The following ROBO2 variants were observed in gnomAD, a reference collection of about 807,000 sequenced individuals.
The protein encoded by ROBO2 is roundabout homolog 2.
ROBO2 carries 53 observed loss-of-function variants against 160.8 expected under a neutral mutation model. The observed-to-expected ratio is 0.33, with a 90% confidence interval of 0.26 to 0.41. The LOEUF (loss-of-function observed/expected upper bound fraction) is 0.41, where lower values mean the gene tolerates loss of function less well. Ranked by LOEUF, ROBO2 falls within the 10% of genes least tolerant of loss-of-function variation. ROBO2 has a pLI of 1.00. For synonymous variants in ROBO2, 664 were observed against 611.7 expected, an observed-to-expected ratio of 1.09 and a Z score of -1.26; for missense variants, 1,577 against 1,722.4, an observed-to-expected ratio of 0.92 and a Z score of 1.49.
chr3:77,421,247 T>C (rs1452051864), intron 2 of ROBO2, among the ~76,000 whole-genome samples: 3 of 152,220 alleles, frequency 2.0e-5, no homozygotes, highest in East Asian at 3.8e-4. Context: ...TTCAGTATTA[T>C]GTGGTTTTTT....
chr3:76,034,648 C>T lies in ROBO2; in HGVS notation c.109+97046C>T, dbSNP rs1013864768. Among the ~76,000 whole-genome samples the T allele has an allele frequency of 1.9e-4, 29 of 150,720 alleles. 1 individual carries two copies. Among genetic ancestry groups the T allele is most frequent in the Middle Eastern group, 3.4e-3 (1 of 294 alleles). The stretch of plus-strand genomic sequence containing the variant: ...ATACAATTCTACTTCCTAATGCTTC[C>T]GCTACAGTAACTTCTTCTTGTCTTA... On this transcript the variant is annotated intron_variant, in intron 2 of 26. Coordinates refer to the ROBO2 transcript ENST00000487694.
intron 2 of ROBO2, among the ~76,000 whole-genome samples, chr3:77,446,437 C>T (rs898715093): frequency 6.6e-6 from 1 of 152,012 alleles, no homozygotes; most frequent in Non-Finnish European, 1.5e-5. Context: ...AACTGCTGGG[C>T]AAGTATTAAT....
Position 77,596,695 on chromosome 3 carries a change from G to C in ROBO2, c.2799G>C (p.Leu933Phe), listed in dbSNP as rs759921296. ...CTGATTCTTGGCCAGCCACGAGCTT[G>C]CCAGTAAATAATAGCAACAGTGGCC... Residue 933 changes from leucine (L) to phenylalanine (F), a missense_variant, in exon 19 of 26, where the codon TTG (leucine) becomes TTC (phenylalanine). Around this residue, in one of 2 missense-constraint regions of ROBO2, gnomAD observed 637 missense variants for 586.9 expected, o/e 1.09. Coordinates refer to ENST00000461745, the Ensembl canonical transcript of ROBO2. 1.1e-5 allele frequency: 18 copies of C among 1,613,680 alleles called. No individual in the cohort carries two copies. The African/African-American group carries it at 1.7e-4, about 16-fold the overall frequency.
At chr3:77,015,215 A>G (rs2062164918) in intron 2 of ROBO2, among the ~76,000 whole-genome samples, 1 of 152,222 alleles carries the variant, frequency 6.6e-6, no homozygotes, top group Non-Finnish European at 1.5e-5. Context: ...GAGTTAGCTA[A>G]TGTTTTACTA....
chr3:76,931,806 G>A (rs1364510376), intron 2 of ROBO2, among the ~76,000 whole-genome samples: 4 of 151,850 alleles, frequency 2.6e-5, no homozygotes, highest in East Asian at 1.9e-4. Flanking sequence ...CTCAGTCTCC[G>A]AGAACCTGGG....
At chr3:77,430,300 T>G (rs1160827193) in intron 2 of ROBO2, among the ~76,000 whole-genome samples, 2 of 152,116 alleles carry the variant, frequency 1.3e-5, no homozygotes, top group African/African-American at 4.8e-5. Context: ...GATAATAAAA[T>G]TTTTACTTTG....
At position 76,108,334 on chromosome 3, in the gene ROBO2, CA is replaced by C. The variant is rs759935434; in HGVS notation, c.109+170733del. On this transcript the variant is annotated intron_variant, in intron 2 of 26. Coordinates refer to the ROBO2 transcript ENST00000487694. ...TTTAGCATCATTTCTAATTTCATGG[CA>C]TAGAAAAATTGGAATTCAAATCTCA... Among the ~76,000 whole-genome samples, 4 of 152,042 alleles carry C rather than the reference CA, an allele frequency of 2.6e-5. No homozygotes were observed. The East Asian group carries it at 5.8e-4, about 22-fold the overall frequency.
intron 2 of ROBO2, among the ~76,000 whole-genome samples, chr3:76,177,358 T>C (rs928185597): frequency 1.3e-5 from 2 of 152,174 alleles, no homozygotes; most frequent in African/African-American, 4.8e-5. Flanking sequence ...TCAAAAACAA[T>C]TGGACCTAAT....
intron 2 of ROBO2, among the ~76,000 whole-genome samples, chr3:76,057,984 G>T (rs1158628722): frequency 6.6e-6 from 1 of 152,080 alleles, no homozygotes. Context: ...TTTGTGAAGG[G>T]TTATGATTAT....
At chr3:77,521,532 G>GT (rs1454385508) in intron 5 of ROBO2, among the ~76,000 whole-genome samples, 1 of 151,248 alleles carries the variant, frequency 6.6e-6, no homozygotes, top group African/African-American at 2.4e-5. Context: ...TAGTGGATAA[G>GT]TTTTTTCCCT....
At chr3:76,613,008 T>A (rs190924342) in intron 2 of ROBO2, among the ~76,000 whole-genome samples, 1 of 152,302 alleles carries the variant, frequency 6.6e-6, no homozygotes, top group East Asian at 1.9e-4. Flanking sequence ...AACAGATGAT[T>A]CGGTCTTGTT....
At chr3:77,010,224 T>C (rs1179209252) in intron 2 of ROBO2, among the ~76,000 whole-genome samples, 1 of 152,150 alleles carries the variant, frequency 6.6e-6, no homozygotes, top group Non-Finnish European at 1.5e-5. Flanking sequence ...GAAGTATATA[T>C]GTAGAAATGA....
intron 2 of ROBO2, among the ~76,000 whole-genome samples, chr3:77,372,249 G>A (rs950732893): frequency 1.3e-5 from 2 of 151,984 alleles, no homozygotes; most frequent in African/African-American, 4.8e-5. Flanking sequence ...AAAAGTGTCC[G>A]GTTTAGGCAT....
exon 26 of ROBO2, chr3:77,646,832 T>TA (rs1419336664): frequency 6.6e-6 from 1 of 152,498 alleles, no homozygotes; most frequent in Non-Finnish European, 1.5e-5. Context: ...TAAATTTGCT[T>TA]AAAAAAAGAA....
At chr3:76,037,568 A>G (rs535708786) in intron 2 of ROBO2, among the ~76,000 whole-genome samples, 9 of 152,082 alleles carry the variant, frequency 5.9e-5, no homozygotes, top group South Asian at 2.1e-4. Flanking sequence ...GCATTCTTCA[A>G]TCATACTGCT....
At chr3:77,400,666 A>G (rs1031370051) in intron 2 of ROBO2, among the ~76,000 whole-genome samples, 1 of 152,106 alleles carries the variant, frequency 6.6e-6, no homozygotes, top group Non-Finnish European at 1.5e-5. Flanking sequence ...TTGCCTTGTA[A>G]TCGTTCAAGA....
chr3:76,953,018 C>A (rs1301825551), intron 2 of ROBO2, among the ~76,000 whole-genome samples: 1 of 152,136 alleles, frequency 6.6e-6, no homozygotes, highest in Non-Finnish European at 1.5e-5. Flanking sequence ...TGACAAAAAT[C>A]ATGACAATGT....
chr3:77,320,459 C>G (rs2064548943), intron 2 of ROBO2, among the ~76,000 whole-genome samples: 1 of 151,904 alleles, frequency 6.6e-6, no homozygotes, highest in Non-Finnish European at 1.5e-5. Flanking sequence ...TGATCTTTTC[C>G]CACTTTCTCA....
chr3:76,579,023 T>C lies in ROBO2; in HGVS notation c.110-518991T>C, dbSNP rs544720383. 1.2e-4 allele frequency among the ~76,000 whole-genome samples: 19 copies of C among 152,290 alleles called. No individual in the cohort carries two copies. The South Asian group carries it at 3.7e-3, about 30-fold the overall frequency. On this transcript the variant is annotated intron_variant, in intron 2 of 26. Coordinates refer to the ROBO2 transcript ENST00000487694. ...CTATAATACATCTCTTGAAAAATCATACCAAGTCTCTCTAGCACTATTCTT... is the reference window on the plus strand; with the variant it reads ...CTATAATACATCTCTTGAAAAATCACACCAAGTCTCTCTAGCACTATTCTT...
Sources: allele counts gnomAD v4.1 joint callset (sites outside exome capture counted in the v4.1 genomes callset), GRCh38; gene constraint gnomAD v4.1.1; regional missense constraint gnomAD v4.1.1; transcripts MANE v1.5; gene names NCBI Gene and HGNC (gene_info 2026-07-23, HGNC 2026-07-21).